LRRC4C: variants seen among roughly 807,000 people sequenced by gnomAD.
LRRC4C encodes leucine-rich repeat-containing protein 4C.
LRRC4C carries 5 observed loss-of-function variants against 33.6 expected under a neutral mutation model. The observed-to-expected ratio is 0.15, with a 90% CI of 0.08 to 0.31. The LOEUF is 0.31. LRRC4C is among the 10% of genes least tolerant of loss of function. The pLI, the probability that LRRC4C is intolerant of heterozygous loss-of-function variation, is 1.00. For missense variants in LRRC4C, 560 were observed against 796.7 expected (o/e 0.70, Z 3.58); for synonymous variants, 329 against 302.0 (o/e 1.09, Z -0.93).
chr11:40,788,499 G>A (rs1347861370), intron 2 of LRRC4C, among the ~76,000 whole-genome samples: 2 of 152,142 alleles, frequency 1.3e-5, no homozygotes, highest in African/African-American at 4.8e-5. Context: ...TACAAGCAAA[G>A]CTACCCCAGA....
At chr11:40,800,198 C>T (rs939257241) in intron 2 of LRRC4C, among the ~76,000 whole-genome samples, 1 of 152,036 alleles carries the variant, frequency 6.6e-6, no homozygotes, top group Non-Finnish European at 1.5e-5. Flanking sequence ...GTGTCTTCAC[C>T]TTACATCTGG....
At chr11:40,945,328 C>A (rs1392000683) in intron 1 of LRRC4C, among the ~76,000 whole-genome samples, 2 of 152,094 alleles carry the variant, frequency 1.3e-5, no homozygotes, top group Non-Finnish European at 2.9e-5. Context: ...GCCAACTTTG[C>A]AGTTTTTCTT....
In LRRC4C at chr11:40,720,852, G is replaced by A. The variant is rs563451850; in HGVS notation, c.-406-72574C>T. On this transcript the variant is annotated intron_variant, in intron 2 of 6. Transcript: ENST00000528697. ...ATTCATGAGCAAAGAGTATAATCACGTTTTCAGAGGTGAGATTTCAAATGA... is the reference window on the plus strand; with the variant it reads ...ATTCATGAGCAAAGAGTATAATCACATTTTCAGAGGTGAGATTTCAAATGA... Among the ~76,000 whole-genome samples, 10 of 152,216 alleles carry A rather than the reference G, an allele frequency of 6.6e-5. No homozygotes were observed. The South Asian group carries it at 1.7e-3, about 25-fold the overall frequency.
intron 2 of LRRC4C, among the ~76,000 whole-genome samples, chr11:40,768,239 C>T (rs1453093469): frequency 2.0e-5 from 3 of 151,902 alleles, no homozygotes; most frequent in African/African-American, 7.2e-5. Context: ...ATTTCCTGGA[C>T]CCATACAACC....
At chr11:40,861,891 C>T (rs190777058) in intron 2 of LRRC4C, among the ~76,000 whole-genome samples, 22 of 152,236 alleles carry the variant, frequency 1.4e-4, no homozygotes, top group East Asian at 3.9e-4. Context: ...CAGTTCTCAG[C>T]GTAACTCATT....
At chr11:40,619,824 A>G (rs1962261578) in intron 3 of LRRC4C, among the ~76,000 whole-genome samples, 1 of 147,756 alleles carries the variant, frequency 6.8e-6, no homozygotes, top group Non-Finnish European at 1.5e-5. Context: ...GGCTTCTTCC[A>G]CACATTTTCT....
At chr11:40,472,716 T>G (rs1953005552) in intron 3 of LRRC4C, among the ~76,000 whole-genome samples, 1 of 151,588 alleles carries the variant, frequency 6.6e-6, no homozygotes, top group South Asian at 2.1e-4. Context: ...CTAGCCAGAC[T>G]CATAAAGAAG....
intron 3 of LRRC4C, among the ~76,000 whole-genome samples, chr11:40,620,309 A>T (rs1043411835): frequency 6.6e-6 from 1 of 151,758 alleles, no homozygotes; most frequent in Non-Finnish European, 1.5e-5. Context: ...AATCTGGTGT[A>T]TTGAACAAGA....
At chr11:40,284,650 C>T (rs112402988) in intron 4 of LRRC4C, among the ~76,000 whole-genome samples, 3 of 152,144 alleles carry the variant, frequency 2.0e-5, no homozygotes, top group Admixed American at 1.3e-4. Flanking sequence ...AAGGCCATAG[C>T]GAGATAGACC....
intron 1 of LRRC4C, among the ~76,000 whole-genome samples, chr11:41,206,664 A>C (rs1331933870): frequency 2.6e-5 from 4 of 152,170 alleles, no homozygotes; most frequent in Non-Finnish European, 5.9e-5. Flanking sequence ...CACAGTTTTG[A>C]ATCCCTTGCT....
At chr11:40,624,744 A>G (rs1386063978) in intron 3 of LRRC4C, among the ~76,000 whole-genome samples, 1 of 152,162 alleles carries the variant, frequency 6.6e-6, no homozygotes, top group Non-Finnish European at 1.5e-5. Context: ...GTTCCTTTAC[A>G]ATTATAGCAT....
chr11:40,916,135 G>T (rs1424918986), intron 2 of LRRC4C, among the ~76,000 whole-genome samples: 15 of 152,216 alleles, frequency 9.9e-5, no homozygotes, highest in Non-Finnish European at 1.8e-4. Flanking sequence ...GGAAGTCAGT[G>T]TAGCGATTCC....
intron 1 of LRRC4C, among the ~76,000 whole-genome samples, chr11:41,178,290 G>A (rs1398433148): frequency 6.6e-6 from 1 of 152,170 alleles, no homozygotes; most frequent in Non-Finnish European, 1.5e-5. Context: ...TAAGACAGCT[G>A]TCTTAAATTC....
intron 3 of LRRC4C, among the ~76,000 whole-genome samples, chr11:40,529,107 T>C (rs78201283): frequency 6.6e-6 from 1 of 152,160 alleles, no homozygotes; most frequent in African/African-American, 2.4e-5. Context: ...CTGTTGACTG[T>C]CAGCACTATA....
Position 40,984,893 on chromosome 11 carries a change from C to CTTTTTTTTTTTTTTTTTTTTTTTTT in LRRC4C, c.-495-51195_-495-51171dup, listed in dbSNP as rs562785410. Among the ~76,000 whole-genome samples, 13 of 52,270 alleles carry CTTTTTTTTTTTTTTTTTTTTTTTTT rather than the reference C, an allele frequency of 2.5e-4. 3 individuals are homozygous for CTTTTTTTTTTTTTTTTTTTTTTTTT. Among genetic ancestry groups the CTTTTTTTTTTTTTTTTTTTTTTTTT allele is most frequent in the Non-Finnish European group, 4.0e-4 (11 of 27,232 alleles). 34.3% of individuals were successfully genotyped at this position (52,270 alleles called of 152,430 possible). A position where few individuals can be genotyped will look rare whatever the true frequency, so the allele number is the denominator to read the frequency against. On this transcript the variant is annotated intron_variant, in intron 1 of 6. Transcript: ENST00000528697. ...CACGACAACTCTGTTCTCACTGACACTTTTTTTTTTTTTTTTTTTTTTTTT... is the reference window on the plus strand; with the variant it reads ...CACGACAACTCTGTTCTCACTGACACTTTTTTTTTTTTTTTTTTTTTTTTTTTTTTTTTTTTTTTTTTTTTTTTTT...
intron 3 of LRRC4C, among the ~76,000 whole-genome samples, chr11:40,591,434 G>C (rs549763604): frequency 6.6e-6 from 1 of 152,090 alleles, no homozygotes; most frequent in Non-Finnish European, 1.5e-5. Flanking sequence ...GAAATCACCC[G>C]TCTTCTGCAT....
chr11:40,924,086 A>ATG (rs547307374), intron 2 of LRRC4C, among the ~76,000 whole-genome samples: 65 of 146,988 alleles, frequency 4.4e-4, no homozygotes, highest in African/African-American at 1.3e-3. Flanking sequence ...GTGTGTATAT[A>ATG]TGTGTGTGTG....
chr11:41,458,187 A>C (rs1260599167), intron 1 of LRRC4C, among the ~76,000 whole-genome samples: 1 of 152,112 alleles, frequency 6.6e-6, no homozygotes, highest in Non-Finnish European at 1.5e-5. Context: ...GCTCTTCTCT[A>C]CCTAGTTAAC....
At chr11:40,907,072 T>C (rs911279831) in intron 2 of LRRC4C, among the ~76,000 whole-genome samples, 1 of 152,180 alleles carries the variant, frequency 6.6e-6, no homozygotes, top group East Asian at 1.9e-4. Flanking sequence ...CCAGCAAATA[T>C]AGAGATATGC....
Sources: allele counts gnomAD v4.1 joint callset (sites outside exome capture counted in the v4.1 genomes callset), GRCh38; gene constraint gnomAD v4.1.1; transcripts MANE v1.5; gene names NCBI Gene and HGNC (gene_info 2026-07-23, HGNC 2026-07-21).